Variants in VPS50 observed in about 807,000 individuals in gnomAD.
VPS50 encodes the protein syndetin.
VPS50 carries 70 observed loss-of-function variants against 139.7 expected under a neutral mutation model. The ratio of observed to expected loss-of-function variants is 0.50; its 90% CI spans 0.41 to 0.61. The LOEUF (loss-of-function observed/expected upper bound fraction) is 0.61, where lower values mean the gene tolerates loss of function less well. Ranked by LOEUF, VPS50 falls within the 20% of genes least tolerant of loss-of-function variation. The probability of loss-of-function intolerance (pLI) is 0.00; values close to 1 mark genes in which losing one functional copy is unlikely to be tolerated. For synonymous variants in VPS50, 365 were observed against 376.7 expected, an observed-to-expected ratio of 0.97 and a Z score of 0.36; for missense variants, 921 against 1,133.7, an observed-to-expected ratio of 0.81 and a Z score of 2.69.
At chr7:93,316,551 A>G (rs1466470416) in intron 20 of VPS50, among the ~76,000 whole-genome samples, 1 of 152,210 alleles carries the variant, frequency 6.6e-6, no homozygotes, top group African/African-American at 2.4e-5. Context: ...TTTTAGAAAT[A>G]CAACAGACAG....
intron 21 of VPS50, among the ~76,000 whole-genome samples, chr7:93,326,814 A>G (rs1216297298): frequency 2.0e-5 from 3 of 152,158 alleles, no homozygotes; most frequent in African/African-American, 4.8e-5. Context: ...ATTTCAATGT[A>G]TAACTACATT....
At chr7:93,236,012 T>C (rs1440016974) in intron 1 of VPS50, among the ~76,000 whole-genome samples, 1 of 152,136 alleles carries the variant, frequency 6.6e-6, no homozygotes, top group Non-Finnish European at 1.5e-5. Flanking sequence ...ACATGCAGCT[T>C]GTGAGGTAAG....
At chr7:93,336,738 C>G (rs915721103) in intron 22 of VPS50, among the ~76,000 whole-genome samples, 2 of 152,222 alleles carry the variant, frequency 1.3e-5, no homozygotes, top group African/African-American at 4.8e-5. Context: ...TCTTGAACTC[C>G]TGACCTCAGG....
chr7:93,344,009 G>T (rs367907054), intron 23 of VPS50, among the ~76,000 whole-genome samples: 1 of 152,108 alleles, frequency 6.6e-6, no homozygotes, highest in African/African-American at 2.4e-5. Flanking sequence ...TGGACTAAAT[G>T]CTCCAATTAA....
chr7:93,268,799 G>T (rs918790674), intron 9 of VPS50, among the ~76,000 whole-genome samples: 4 of 152,002 alleles, frequency 2.6e-5, no homozygotes, highest in African/African-American at 7.2e-5. Flanking sequence ...CTTTGTTATC[G>T]TGAATAGTGC....
intron 19 of VPS50, among the ~76,000 whole-genome samples, chr7:93,309,154 A>G (rs1472048993): frequency 6.6e-6 from 1 of 152,010 alleles, no homozygotes; most frequent in Non-Finnish European, 1.5e-5. Context: ...CAGGAAAACT[A>G]AAATAGTTAT....
intron 21 of VPS50, among the ~76,000 whole-genome samples, chr7:93,333,581 GT>G (rs1797994505): frequency 6.6e-6 from 1 of 152,058 alleles, no homozygotes; most frequent in Non-Finnish European, 1.5e-5. Flanking sequence ...TTGTGTGAAG[GT>G]TTTTATAAAT....
At chr7:93,237,541 A>C (rs997975026) in intron 1 of VPS50, among the ~76,000 whole-genome samples, 1 of 152,162 alleles carries the variant, frequency 6.6e-6, no homozygotes, top group African/African-American at 2.4e-5. Context: ...TCACGTTTAC[A>C]TTTCAGGCAT....
intron 1 of VPS50, among the ~76,000 whole-genome samples, chr7:93,233,586 T>G (rs1372134425): frequency 6.6e-6 from 1 of 152,228 alleles, no homozygotes; most frequent in Non-Finnish European, 1.5e-5. Flanking sequence ...TGTCAGAGCA[T>G]TTTGTTAATG....
chr7:93,324,958 A>G (rs564149919), intron 21 of VPS50, among the ~76,000 whole-genome samples: 180 of 152,274 alleles, frequency 1.2e-3, no homozygotes, highest in African/African-American at 4.1e-3. Flanking sequence ...TAAAGTTCAT[A>G]TGGAACCAAA....
At chr7:93,353,993 T>C (rs1798628212) in intron 26 of VPS50, among the ~76,000 whole-genome samples, 1 of 152,242 alleles carries the variant, frequency 6.6e-6, no homozygotes, top group African/African-American at 2.4e-5. Context: ...GAATGCAGAA[T>C]CTAATGGTTA....
chr7:93,279,702 A>G (rs146601559), intron 12 of VPS50, among the ~76,000 whole-genome samples: 3 of 152,330 alleles, frequency 2.0e-5, no homozygotes, highest in African/African-American at 7.2e-5. Flanking sequence ...AAATGAGAAG[A>G]AAGAGTCTAG....
chr7:93,294,505 T>C (rs1796744925), intron 13 of VPS50, 40 bp from the exon 14 acceptor site: 1 of 1,460,216 alleles, frequency 6.8e-7, no homozygotes, highest in East Asian at 2.4e-5. Context: ...AAACACAAAT[T>C]GGATTAAATC....
intron 26 of VPS50, among the ~76,000 whole-genome samples, chr7:93,355,026 T>C (rs950398830): frequency 1.3e-5 from 2 of 151,890 alleles, no homozygotes; most frequent in Non-Finnish European, 2.9e-5. Context: ...AAAGGCTGTG[T>C]CAGCAATCAC....
At chr7:93,324,658 CAGAG>C (rs1238753935) in intron 21 of VPS50, among the ~76,000 whole-genome samples, 4 of 151,896 alleles carry the variant, frequency 2.6e-5, no homozygotes, top group African/African-American at 7.3e-5. Flanking sequence ...AACAGTCAAA[CAGAG>C]AGCCAAATCA....
Position 93,305,859 on chromosome 7 carries a change from C to T in VPS50, c.1484C>T (p.Pro495Leu). 6.2e-7 allele frequency: 1 copy of T among 1,612,562 alleles called. No homozygotes were observed. The highest frequency in any genetic ancestry group is 8.5e-7 in the Non-Finnish European group (1 of 1,178,828). Reference protein sequence around the residue: ...EFKFMEQSRSPSVSPSKQPVS... With the variant: ...EFKFMEQSRSLSVSPSKQPVS... ...AAATTCATGGAACAGTCTCGCTCCC[C>T]ATCAGTTTCACCTAGTAAACAGCCA... The change falls in exon 18 of 28, where the codon CCA becomes CTA. Residue 495 changes from proline (P) to leucine (L), a missense_variant. Pro to Leu is a moderately conservative substitution (Grantham distance 98). This residue lies in a region of VPS50 where 744 missense variants were observed against 930.6 expected (regional missense o/e 0.80). Transcript: ENST00000305866.
intron 12 of VPS50, among the ~76,000 whole-genome samples, chr7:93,279,668 A>G (rs1274717217): frequency 1.3e-5 from 2 of 152,206 alleles, no homozygotes; most frequent in Non-Finnish European, 2.9e-5. Context: ...TCCTCAAAAC[A>G]TGTGCAGGGT....
chr7:93,277,182 G>A (rs1252635632), intron 12 of VPS50, among the ~76,000 whole-genome samples: 1 of 152,146 alleles, frequency 6.6e-6, no homozygotes, highest in East Asian at 1.9e-4. Context: ...AGCTGGGTAG[G>A]AGGAAAACTA....
At chr7:93,301,810 C>T (rs551458434) in intron 16 of VPS50, among the ~76,000 whole-genome samples, 1 of 152,276 alleles carries the variant, frequency 6.6e-6, no homozygotes, top group East Asian at 1.9e-4. Flanking sequence ...TGGTAACGCT[C>T]TCTGTTTAAC....
Sources: allele counts gnomAD v4.1 joint callset (sites outside exome capture counted in the v4.1 genomes callset), GRCh38; gene constraint gnomAD v4.1.1; regional missense constraint gnomAD v4.1.1; transcripts MANE v1.5; gene names NCBI Gene and HGNC (gene_info 2026-07-23, HGNC 2026-07-21).